Variants in ARHGAP17 observed in about 807,000 individuals in gnomAD.
ARHGAP17 encodes the protein Rho GTPase activating protein 17.
Under a neutral mutation model 99.5 loss-of-function variants are expected in ARHGAP17, and 57 were observed. That is an observed-to-expected ratio of 0.57 (90% CI 0.46 to 0.71). The LOEUF is 0.71. ARHGAP17 is among the 30% of genes least tolerant of loss of function. The pLI, the probability that ARHGAP17 is intolerant of heterozygous loss-of-function variation, is 0.00. For synonymous variants in ARHGAP17, 417 were observed against 429.6 expected (o/e 0.97, Z 0.36); for missense variants, 1,000 against 1,122.4 (o/e 0.89, Z 1.56).
chr16:24,986,967 C>A (rs536256030), intron 1 of ARHGAP17, among the ~76,000 whole-genome samples: 50 of 152,350 alleles, frequency 3.3e-4, no homozygotes, highest in African/African-American at 1.1e-3. Context: ...GTCCCTCCTG[C>A]ACCTACGCAC....
Position 24,931,208 on chromosome 16 carries a change from T to A in ARHGAP17, c.2091A>T (p.Ala697=), listed in dbSNP as rs749063375. Residue 697 remains alanine (A), a synonymous_variant, in exon 19 of 20, where the codon GCA becomes GCT. Coordinates refer to ENST00000289968, the MANE Select transcript of ARHGAP17 (RefSeq NM_001006634.3). ...GQPSAPSQLS[A]PRRYSSSLSP... is the part of the protein sequence containing the mutation. ...ACAAGCTGCTGGAGTACCTCCGGGG[T>A]GCTGAGAGCTGGGAGGGGGCGGAGG... is the stretch of plus-strand genomic sequence containing the variant. The A allele has an allele frequency of 1.8e-4, 287 of 1,562,582 alleles. No homozygotes were observed. The highest frequency in any genetic ancestry group is 2.4e-4 in the Non-Finnish European group (279 of 1,155,536).
chr16:25,009,382 G>A (rs1351653774), intron 1 of ARHGAP17, among the ~76,000 whole-genome samples: 2 of 151,124 alleles, frequency 1.3e-5, no homozygotes, highest in African/African-American at 2.4e-5. Flanking sequence ...AAAAAAAAAG[G>A]GTGGGGGGAA....
intron 4 of ARHGAP17, among the ~76,000 whole-genome samples, chr16:24,969,567 CT>C (rs1183277235): frequency 6.6e-6 from 1 of 152,192 alleles, no homozygotes; most frequent in East Asian, 1.9e-4. Flanking sequence ...TAACATGGTT[CT>C]AAGTGCTGAT....
intron 11 of ARHGAP17, among the ~76,000 whole-genome samples, 154 bp from the exon 12 acceptor site, chr16:24,952,524 G>A (rs1245725526): frequency 6.6e-6 from 1 of 151,824 alleles, no homozygotes; most frequent in East Asian, 1.9e-4. Flanking sequence ...AGACTAAAAT[G>A]TTCATAAAAC....
intron 11 of ARHGAP17, 116 bp downstream of exon 11, chr16:24,952,815 G>A (rs1180456627): frequency 5.8e-6 from 5 of 862,866 alleles, no homozygotes; most frequent in Non-Finnish European, 9.4e-6. Flanking sequence ...GAGCCACTTC[G>A]GTTTTGTCAC....
chr16:24,970,399 T>G, intron 4 of ARHGAP17, 108 bp downstream of exon 4: 1 of 1,053,608 alleles, frequency 9.5e-7, no homozygotes, highest in Non-Finnish European at 1.5e-6. Context: ...GGATGAGCCA[T>G]GCCATCAACG....
intron 19 of ARHGAP17, among the ~76,000 whole-genome samples, chr16:24,922,833 G>A (rs1328446048): frequency 6.6e-6 from 1 of 151,790 alleles, no homozygotes; most frequent in Non-Finnish European, 1.5e-5. Context: ...ACGCCACCAT[G>A]CCTGGCTAAT....
chr16:24,926,053 T>C (rs1181400443), intron 19 of ARHGAP17, among the ~76,000 whole-genome samples: 2 of 143,028 alleles, frequency 1.4e-5, no homozygotes, highest in Admixed American at 1.4e-4. Context: ...GAGCTTGCAG[T>C]GAGCCAAGAT....
chr16:25,006,959 G>A (rs2053523422), intron 1 of ARHGAP17, among the ~76,000 whole-genome samples: 1 of 152,132 alleles, frequency 6.6e-6, no homozygotes, highest in Non-Finnish European at 1.5e-5. Flanking sequence ...ATCACCCAGG[G>A]GAACGGTCTG....
chr16:24,931,444 T>C, intron 18 of ARHGAP17, 40 bp from the exon 19 acceptor site: 3 of 1,489,238 alleles, frequency 2.0e-6, no homozygotes, highest in Non-Finnish European at 2.7e-6. Context: ...GTAGGAACAG[T>C]GAGGCAGCAA....
chr16:24,935,788 T>C, intron 17 of ARHGAP17, 149 bp from the exon 18 acceptor site: 1 of 844,768 alleles, frequency 1.2e-6, no homozygotes, highest in East Asian at 2.7e-5. Context: ...ACACTGGGCT[T>C]ATAAAGCTAA....
intron 19 of ARHGAP17, chr16:24,929,621 T>C: frequency 1.0e-6 from 1 of 987,926 alleles, no homozygotes; most frequent in Non-Finnish European, 1.2e-6. Flanking sequence ...ACCTTAGTCC[T>C]GGAAACCTTC....
At chr16:25,015,081 G>A (rs1298164511) in intron 1 of ARHGAP17, 128 bp downstream of exon 1, 4 of 943,614 alleles carry the variant, frequency 4.2e-6, no homozygotes, top group Non-Finnish European at 5.3e-6. Context: ...CCCGTGCCCC[G>A]CTGGTCTCGG....
At chr16:24,961,297 G>T (rs116817967) in intron 7 of ARHGAP17, among the ~76,000 whole-genome samples, 2,445 of 152,078 alleles carry the variant, frequency 0.016, 62 homozygotes, top group African/African-American at 0.055. Flanking sequence ...AAGACTTCAC[G>T]GTACACTGTT....
In ARHGAP17 at chr16:24,935,455, A is replaced by ACGGTGGCTGCTTACCT. The variant is rs764144186; in HGVS notation, c.1893_1894+14dup. ...ACAGGCTTCCCTGAGGGCAAGGAGG[A>ACGGTGGCTGCTTACCT]CGGTGGCTGCTTACCTCGGCGCAGT... On this transcript the variant is annotated intron_variant, in intron 18 of 19. Coordinates refer to ENST00000289968, the MANE Select transcript of ARHGAP17 (RefSeq NM_001006634.3). The ACGGTGGCTGCTTACCT allele has an allele frequency of 1.9e-6, 3 of 1,572,248 alleles. No individual in the cohort carries two copies. The highest frequency in any genetic ancestry group is 1.9e-5 in the Admixed American group (1 of 52,808).
intron 1 of ARHGAP17, among the ~76,000 whole-genome samples, chr16:25,012,304 G>A (rs565441683): frequency 2.2e-4 from 34 of 152,170 alleles, no homozygotes; most frequent in Admixed American, 1.2e-3. Flanking sequence ...TGCATCATGC[G>A]AACTCATTCC....
At chr16:25,015,085 G>A (rs1040922728) in intron 1 of ARHGAP17, 124 bp downstream of exon 1, 2 of 977,050 alleles carry the variant, frequency 2.0e-6, no homozygotes, top group African/African-American at 3.5e-5. Context: ...TGCCCCGCTG[G>A]TCTCGGGCAG....
chr16:24,971,896 A>G (rs2052376320), intron 3 of ARHGAP17, among the ~76,000 whole-genome samples: 1 of 152,150 alleles, frequency 6.6e-6, no homozygotes, highest in South Asian at 2.1e-4. Context: ...CTGAGTGCTG[A>G]TGGCCCGGGC....
intron 1 of ARHGAP17, among the ~76,000 whole-genome samples, chr16:25,014,158 C>CA (rs111376386): frequency 0.041 from 6,292 of 151,872 alleles, 434 homozygotes; most frequent in African/African-American, 0.14. Context: ...TTCATACACT[C>CA]AAAAAAAAGA....
Sources: allele counts gnomAD v4.1 joint callset (sites outside exome capture counted in the v4.1 genomes callset), GRCh38; gene constraint gnomAD v4.1.1; transcripts MANE v1.5; gene names NCBI Gene and HGNC (gene_info 2026-07-23, HGNC 2026-07-21).